The following TPD52 variants were observed in gnomAD, a reference collection of about 807,000 sequenced individuals.
TPD52 encodes tumor protein D52.
Under a neutral mutation model 31.3 loss-of-function variants are expected in TPD52, and 17 were observed. The ratio of observed to expected loss-of-function variants is 0.54; its 90% CI spans 0.37 to 0.82. TPD52 has a LOEUF of 0.82. Ranked by LOEUF, TPD52 falls within the 40% of genes least tolerant of loss-of-function variation. TPD52 has a pLI of 0.00. For synonymous variants in TPD52, 83 were observed against 89.6 expected, an observed-to-expected ratio of 0.93 and a Z score of 0.42; for missense variants, 212 against 240.1, an observed-to-expected ratio of 0.88 and a Z score of 0.77.
chr8:80,060,140 T>A (rs1586185674), intron 2 of TPD52, among the ~76,000 whole-genome samples: 2 of 130,478 alleles, frequency 1.5e-5, no homozygotes, highest in African/African-American at 2.9e-5. Flanking sequence ...ATAGCTAGAC[T>A]GACCGAAAAA....
At chr8:80,058,144 T>G (rs1329815948) in intron 2 of TPD52, among the ~76,000 whole-genome samples, 1 of 152,206 alleles carries the variant, frequency 6.6e-6, no homozygotes, top group Non-Finnish European at 1.5e-5. Flanking sequence ...AAAAATGCTC[T>G]TTCAAAACAC....
chr8:80,080,474 A>G, intron 1 of TPD52: 2 of 1,612,716 alleles, frequency 1.2e-6, no homozygotes, highest in Non-Finnish European at 1.7e-6. Flanking sequence ...CGCAGAATGC[A>G]TGGCTGTCTA....
chr8:80,146,123 T>G (rs776723369), intron 1 of TPD52, among the ~76,000 whole-genome samples: 4 of 152,220 alleles, frequency 2.6e-5, no homozygotes, highest in Non-Finnish European at 5.9e-5. Context: ...CAAACTGGTT[T>G]AGAAGGCAGA....
At chr8:80,086,263 C>T (rs1815757603) in intron 1 of TPD52, among the ~76,000 whole-genome samples, 1 of 151,146 alleles carries the variant, frequency 6.6e-6, no homozygotes, top group South Asian at 2.1e-4. Context: ...GGACTACAAG[C>T]GCACACCACC....
At chr8:80,053,566 G>A in intron 2 of TPD52, 136 bp from the exon 3 acceptor site, 1 of 965,908 alleles carries the variant, frequency 1.0e-6, no homozygotes, top group South Asian at 1.6e-5. Flanking sequence ...TAAAAACAAT[G>A]TATAATGTTG....
chr8:80,086,653 C>G (rs1003584208), intron 1 of TPD52, among the ~76,000 whole-genome samples: 3 of 151,806 alleles, frequency 2.0e-5, no homozygotes, highest in Non-Finnish European at 2.9e-5. Flanking sequence ...GCAGGCAGAT[C>G]ACCTGACATC....
intron 1 of TPD52, among the ~76,000 whole-genome samples, chr8:80,140,593 A>G (rs574659357): frequency 6.6e-6 from 1 of 152,310 alleles, no homozygotes; most frequent in South Asian, 2.1e-4. Flanking sequence ...GCTACGAAAA[A>G]CACCCAGAGT....
intron 1 of TPD52, among the ~76,000 whole-genome samples, chr8:80,160,333 T>C (rs1811262840): frequency 6.6e-6 from 1 of 152,182 alleles, no homozygotes; most frequent in Non-Finnish European, 1.5e-5. Flanking sequence ...TTATGTTTCC[T>C]CATATATAAA....
At chr8:80,054,348 A>T (rs1320744027) in intron 2 of TPD52, among the ~76,000 whole-genome samples, 1 of 152,202 alleles carries the variant, frequency 6.6e-6, no homozygotes, top group East Asian at 1.9e-4. Context: ...AAATGGACAG[A>T]GTAGAACAAA....
intron 1 of TPD52, among the ~76,000 whole-genome samples, chr8:80,084,391 T>C (rs7004041): frequency 0.69 from 105,472 of 152,144 alleles, 37,576 homozygotes; most frequent in African/African-American, 0.87. Flanking sequence ...GTGGCCTTCC[T>C]TGATGTTTAC....
intron 1 of TPD52, among the ~76,000 whole-genome samples, chr8:80,131,760 T>C (rs1809033391): frequency 6.6e-6 from 1 of 152,154 alleles, no homozygotes. Flanking sequence ...ACACACCCCT[T>C]TACAGGTGCT....
At chr8:80,125,499 A>C (rs935887907) in intron 1 of TPD52, among the ~76,000 whole-genome samples, 45 of 152,190 alleles carry the variant, frequency 3.0e-4, no homozygotes, top group African/African-American at 1.0e-3. Context: ...GTGGCAATTA[A>C]GAAGCCAAAA....
chr8:80,096,218 T>A (rs919460180), intron 1 of TPD52, among the ~76,000 whole-genome samples: 1 of 152,040 alleles, frequency 6.6e-6, no homozygotes, highest in African/African-American at 2.4e-5. Context: ...ATTGTGCCAA[T>A]GTACTCCAGC....
chr8:80,151,227 T>C (rs1810547758), intron 1 of TPD52, among the ~76,000 whole-genome samples: 1 of 152,246 alleles, frequency 6.6e-6, no homozygotes, highest in South Asian at 2.1e-4. Context: ...CTGCCATGAT[T>C]GTGAGGCCTC....
chr8:80,073,769 A>C (rs181518600), intron 1 of TPD52, among the ~76,000 whole-genome samples: 45 of 152,304 alleles, frequency 3.0e-4, no homozygotes, highest in Admixed American at 7.8e-4. Flanking sequence ...TTACCTAGAA[A>C]GGTTTTTCTA....
At chr8:80,054,630 T>A (rs1199430304) in intron 2 of TPD52, among the ~76,000 whole-genome samples, 1 of 151,914 alleles carries the variant, frequency 6.6e-6, no homozygotes, top group East Asian at 1.9e-4. Flanking sequence ...AAAAATAACA[T>A]AGAGTATTGC....
chr8:80,165,217 T>C (rs1811635722), intron 1 of TPD52, among the ~76,000 whole-genome samples: 1 of 152,180 alleles, frequency 6.6e-6, no homozygotes, highest in African/African-American at 2.4e-5. Context: ...TGTGGCAACA[T>C]CCTGGCCACA....
chr8:80,108,731 T>C (rs1447493044), intron 1 of TPD52, among the ~76,000 whole-genome samples: 2 of 152,040 alleles, frequency 1.3e-5, no homozygotes, highest in African/African-American at 4.8e-5. Context: ...GAACAAGAAT[T>C]ACATAAGACT....
At chr8:80,108,625 T>G (rs1056660023) in intron 1 of TPD52, among the ~76,000 whole-genome samples, 31 of 152,322 alleles carry the variant, frequency 2.0e-4, no homozygotes, top group Middle Eastern at 3.4e-3. Context: ...TCTTATAACT[T>G]TAAATTAAGA....
Sources: allele counts gnomAD v4.1 joint callset (sites outside exome capture counted in the v4.1 genomes callset), GRCh38; gene constraint gnomAD v4.1.1; transcripts MANE v1.5; gene names NCBI Gene and HGNC (gene_info 2026-07-23, HGNC 2026-07-21).